Variants in NINL observed in about 807,000 individuals in gnomAD.
NINL encodes ninein-like protein.
NINL carries 153 observed loss-of-function variants against 160.3 expected under a neutral mutation model. The ratio of observed to expected loss-of-function variants is 0.95; its 90% CI spans 0.84 to 1.09. NINL has a LOEUF of 1.09. Ranked by LOEUF, NINL falls within the 50% of genes least tolerant of loss-of-function variation. The pLI is 0.00. For synonymous variants in NINL, 800 were observed against 734.8 expected (o/e 1.09, Z -1.43); for missense variants, 1,829 against 1,764.0 (o/e 1.04, Z -0.66).
chr20:25,579,276 ACT>A lies in NINL; in HGVS notation c.-12+6177_-12+6178del, dbSNP rs540462238. The stretch of plus-strand genomic sequence containing the variant: ...TGTTATTATCCTCTCTGACCCTCGC[ACT>A]CTCTGTGTGTGAGATGGGGGCAACA... On this transcript the variant is annotated intron_variant, in intron 1 of 23. Coordinates refer to ENST00000278886, the MANE Select transcript of NINL (RefSeq NM_025176.6). Among the ~76,000 whole-genome samples the A allele has an allele frequency of 1.3e-4, 19 of 151,990 alleles. 1 individual carries two copies. In the South Asian group the frequency reaches 4.0e-3, roughly 32 times the overall value.
intron 20 of NINL, 117 bp from the exon 21 acceptor site, chr20:25,461,752 T>A (rs62211493): frequency 0.026 from 18,012 of 702,166 alleles, 322 homozygotes; most frequent in Middle Eastern, 0.064. Flanking sequence ...TTTAAATCCC[T>A]GTGAACCCAC....
Position 25,458,435 on chromosome 20 carries a change from C to G in NINL, c.3791G>C (p.Arg1264Pro). ...CTGCTCTCCCTGAAGGCTGAGCAGGCGATGCAGCTCGGCCACACGGTCCTG... is the reference window on the plus strand; with the variant it reads ...CTGCTCTCCCTGAAGGCTGAGCAGGGGATGCAGCTCGGCCACACGGTCCTG... ...VPQDRVAELH[R>P]LLSLQGEQAR... Residue 1264 changes from arginine to proline, a missense_variant, in exon 22 of 24, where the codon CGC becomes CCC. Arg to Pro is a moderately radical substitution (Grantham distance 103). Coordinates refer to ENST00000278886, the MANE Select transcript of NINL (RefSeq NM_025176.6). The G allele has an allele frequency of 6.2e-7, 1 of 1,606,120 alleles. No individual in the cohort carries two copies. The highest frequency in any genetic ancestry group is 8.5e-7 in the Non-Finnish European group (1 of 1,179,962).
intron 23 of NINL, among the ~76,000 whole-genome samples, chr20:25,455,104 C>G (rs1011899433): frequency 6.6e-6 from 1 of 152,136 alleles, no homozygotes; most frequent in Non-Finnish European, 1.5e-5. Context: ...CCCCCAGACA[C>G]GAGGAGATGT....
chr20:25,583,032 AAAGAAAACCTAG>A (rs1404323697), intron 1 of NINL, among the ~76,000 whole-genome samples: 1 of 152,172 alleles, frequency 6.6e-6, no homozygotes, highest in Non-Finnish European at 1.5e-5. Flanking sequence ...AAAAAACCTA[AAAGAAAACCTAG>A]GCAATACTAT....
chr20:25,496,738 T>C lies in NINL; in HGVS notation c.1235A>G (p.Lys412Arg), dbSNP rs374442915. The C allele has an allele frequency of 8.1e-6, 13 of 1,613,968 alleles. No homozygotes were observed. Among genetic ancestry groups the C allele is most frequent in the Non-Finnish European group, 1.1e-5 (13 of 1,180,032 alleles). Residue 412 changes from lysine (K) to arginine (R), a missense_variant, in exon 10 of 24, where the codon AAG becomes AGG. Physicochemically the swap from Lys to Arg is conservative, Grantham distance 26. Coordinates refer to ENST00000278886, the MANE Select transcript of NINL (RefSeq NM_025176.6). ...CTCTTTCACAAACTCCAGGTTCCTCTTCTCGGCCCTCTCCAGGTCCTGCCT... is the reference window on the plus strand; with the variant it reads ...CTCTTTCACAAACTCCAGGTTCCTCCTCTCGGCCCTCTCCAGGTCCTGCCT... ...KARQDLERAE[K>R]RNLEFVKEMD...
At chr20:25,453,697 A>T (rs1414629492) in intron 23 of NINL, 55 bp from the exon 24 acceptor site, 2 of 1,479,920 alleles carry the variant, frequency 1.4e-6, no homozygotes, top group Admixed American at 4.2e-5. Context: ...AACGCTACAG[A>T]TCAGCCTGCT....
At chr20:25,581,339 A>G (rs2065173070) in intron 1 of NINL, among the ~76,000 whole-genome samples, 1 of 152,092 alleles carries the variant, frequency 6.6e-6, no homozygotes. Context: ...CTACTCAGGA[A>G]GCTGAGACAA....
chr20:25,461,664 C>A lies in NINL; in HGVS notation c.3583-29G>T. On this transcript the variant is annotated intron_variant, in intron 20 of 23. Transcript: ENST00000278886. ...TTTTTAAAAAATCAATTGCACAAGTCAAGAAGTATCTGAAGAGTCTGGTAT... is the reference window on the plus strand; with the variant it reads ...TTTTTAAAAAATCAATTGCACAAGTAAAGAAGTATCTGAAGAGTCTGGTAT... 3 of 1,402,822 alleles carry A rather than the reference C, an allele frequency of 2.1e-6. No homozygotes were observed. In the South Asian group the frequency reaches 3.5e-5, roughly 16 times the overall value. 86.9% of individuals were successfully genotyped at this position (1,402,822 alleles called of 1,614,324 possible).
At chr20:25,517,225 A>G (rs1009624090) in intron 3 of NINL, among the ~76,000 whole-genome samples, 2 of 152,080 alleles carry the variant, frequency 1.3e-5, no homozygotes, top group African/African-American at 4.8e-5. Flanking sequence ...GTGACACACT[A>G]AATAATACCA....
At chr20:25,569,233 A>T (rs567050785) in intron 1 of NINL, among the ~76,000 whole-genome samples, 4 of 151,538 alleles carry the variant, frequency 2.6e-5, no homozygotes, top group Non-Finnish European at 5.9e-5. Context: ...GTCTCAAAAA[A>T]AAAAAAAAAA....
intron 6 of NINL, 119 bp from the exon 7 acceptor site, chr20:25,504,223 G>T: frequency 2.9e-6 from 3 of 1,045,756 alleles, no homozygotes; most frequent in Non-Finnish European, 4.2e-6. Flanking sequence ...CCGTTTCCTA[G>T]TCTTATCCAG....
intron 13 of NINL, among the ~76,000 whole-genome samples, chr20:25,486,650 C>T (rs552514038): frequency 2.0e-5 from 3 of 152,236 alleles, no homozygotes; most frequent in Non-Finnish European, 4.4e-5. Flanking sequence ...ATGAGACGTG[C>T]AGGGAACAAC....
chr20:25,460,377 C>T (rs1568833754), intron 21 of NINL, among the ~76,000 whole-genome samples: 1 of 152,142 alleles, frequency 6.6e-6, no homozygotes, highest in Non-Finnish European at 1.5e-5. Flanking sequence ...CACATGGCTG[C>T]AAGGACAGAC....
intron 19 of NINL, 135 bp downstream of exon 19, chr20:25,467,254 G>A (rs1460968428): frequency 2.6e-6 from 2 of 780,926 alleles, no homozygotes; most frequent in African/African-American, 1.7e-5. Context: ...ATGGGGCCTG[G>A]GGGCCAGTCA....
Position 25,455,908 on chromosome 20 carries a change from C to T in NINL, c.3844-122G>A, listed in dbSNP as rs1210106935. ...AGGAGTTTGAGACCAACCTGGCCAA[C>T]ATGGTGAAACCCCATCTCTACTAAA... On this transcript the variant is annotated intron_variant, in intron 22 of 23. Transcript: ENST00000278886. The T allele has an allele frequency of 9.9e-6, 7 of 710,004 alleles. No homozygotes were observed. In the East Asian group the frequency reaches 1.8e-4, roughly 19 times the overall value. The allele number at this position is 710,004 out of a possible 1,614,324, so 44.0% of individuals were successfully genotyped here.
chr20:25,553,528 A>ATCTT (rs2064829571), intron 1 of NINL, among the ~76,000 whole-genome samples: 1 of 152,234 alleles, frequency 6.6e-6, no homozygotes, highest in Non-Finnish European at 1.5e-5. Context: ...CCCATGGCAA[A>ATCTT]GATATTTTCC....
chr20:25,500,272 C>T (rs2063841726), intron 8 of NINL, among the ~76,000 whole-genome samples: 3 of 152,212 alleles, frequency 2.0e-5, no homozygotes, highest in Admixed American at 2.0e-4. Context: ...AAGCCTGAGC[C>T]TGTAAGGAGC....
intron 17 of NINL, 79 bp from the exon 18 acceptor site, chr20:25,470,174 G>T: frequency 8.8e-7 from 1 of 1,136,878 alleles, no homozygotes. Context: ...GCAGCGGGGA[G>T]TCCTGAGAAC....
chr20:25,546,352 G>T (rs1417991487), intron 1 of NINL, among the ~76,000 whole-genome samples: 1 of 152,032 alleles, frequency 6.6e-6, no homozygotes, highest in Non-Finnish European at 1.5e-5. Flanking sequence ...AGCTTTCGTG[G>T]GTAAGTGCTT....
Sources: gnomAD v4.1 joint callset for allele counts (sites outside exome capture counted in the v4.1 genomes callset) on GRCh38, gnomAD v4.1.1 for gene constraint, MANE v1.5 for transcripts, NCBI Gene and HGNC (gene_info 2026-07-23, HGNC 2026-07-21) for gene names.